MAP4K5: variants seen among roughly 807,000 people sequenced by gnomAD.
MAP4K5 encodes the protein mitogen-activated protein kinase kinase kinase kinase 5.
Under a neutral mutation model 135.6 loss-of-function variants are expected in MAP4K5, and 82 were observed. The observed-to-expected ratio is 0.60, with a 90% CI of 0.51 to 0.73. The LOEUF (loss-of-function observed/expected upper bound fraction) is 0.73, where lower values mean the gene tolerates loss of function less well. Ranked by LOEUF, MAP4K5 falls within the 30% of genes least tolerant of loss-of-function variation. MAP4K5 has a pLI of 0.00. For synonymous variants in MAP4K5, 347 were observed against 335.0 expected, an observed-to-expected ratio of 1.04 and a Z score of -0.39; for missense variants, 907 against 1,010.9, an observed-to-expected ratio of 0.90 and a Z score of 1.39.
At chr14:50,464,011 T>G (rs1566657785) in intron 12 of MAP4K5, 41 bp downstream of exon 12, 1 of 1,121,006 alleles carries the variant, frequency 8.9e-7, no homozygotes, top group East Asian at 2.6e-5. Context: ...TATGTCTAAT[T>G]TATGACTATA....
intron 13 of MAP4K5, among the ~76,000 whole-genome samples, chr14:50,462,135 C>T (rs117974229): frequency 0.013 from 2,031 of 152,194 alleles, 16 homozygotes; most frequent in Middle Eastern, 0.041. Context: ...AGCTGGATTT[C>T]GAAGAAGTCC....
chr14:50,496,073 C>A (rs2037584571), intron 3 of MAP4K5, among the ~76,000 whole-genome samples: 1 of 152,096 alleles, frequency 6.6e-6, no homozygotes, highest in Non-Finnish European at 1.5e-5. Flanking sequence ...ATCTGTAATC[C>A]CAGCACTTTT....
At position 50,532,161 on chromosome 14, in the gene MAP4K5, G is replaced by T; in HGVS notation, c.-109-3C>A. The T allele has an allele frequency of 1.5e-6, 1 of 682,082 alleles. No individual in the cohort carries two copies. Among genetic ancestry groups the T allele is most frequent in the Non-Finnish European group, 2.5e-6 (1 of 405,576 alleles). The allele number at this position is 682,082 out of a possible 1,614,324, so 42.3% of individuals were successfully genotyped here. A position where few individuals can be genotyped will look rare whatever the true frequency, so the allele number is the denominator to read the frequency against. ...GGAGCCTCCGCCCGCAGCTCCGTCT[G>T]CACGAGGGACGAGCAAAGGCTGGTT... On this transcript the variant is annotated splice_region_variant and splice_polypyrimidine_tract_variant and intron_variant, in intron 1 of 32. Transcript: ENST00000682126.
intron 3 of MAP4K5, among the ~76,000 whole-genome samples, chr14:50,494,816 A>G (rs1270805189): frequency 6.6e-6 from 1 of 152,222 alleles, no homozygotes; most frequent in African/African-American, 2.4e-5. Flanking sequence ...CAAGGGTATC[A>G]GAACTACTTG....
chr14:50,521,809 G>T (rs973378496), intron 2 of MAP4K5, among the ~76,000 whole-genome samples: 7 of 152,106 alleles, frequency 4.6e-5, no homozygotes, highest in Non-Finnish European at 1.0e-4. Flanking sequence ...AATTCATCTT[G>T]TCCTTCTCAG....
chr14:50,432,831 A>G (rs1054722464), intron 28 of MAP4K5, among the ~76,000 whole-genome samples: 5 of 151,960 alleles, frequency 3.3e-5, no homozygotes, highest in African/African-American at 1.2e-4. Context: ...GAACAGGGAA[A>G]TATTTCTTTC....
rs981657008 is a variant in MAP4K5, at chr14:50,510,174, C to T, written c.109-5317G>A. On this transcript the variant is annotated intron_variant, in intron 2 of 32. Transcript: ENST00000682126. The stretch of plus-strand genomic sequence containing the variant: ...CAAAAGAAAATGACTCCATTCTTCT[C>T]GGTTACCAATTATTAAACAAGAGTC... Among the ~76,000 whole-genome samples the T allele has an allele frequency of 2.6e-5, 4 of 152,100 alleles. No individual in the cohort carries two copies. In the East Asian group the frequency reaches 5.8e-4, roughly 22 times the overall value.
intron 20 of MAP4K5, among the ~76,000 whole-genome samples, chr14:50,443,237 T>G (rs920096325): frequency 6.6e-6 from 1 of 152,172 alleles, no homozygotes; most frequent in African/African-American, 2.4e-5. Context: ...CATTAGACTT[T>G]CACTGAATAA....
intron 26 of MAP4K5, 31 bp from the exon 27 acceptor site, chr14:50,435,096 GAC>G: frequency 8.3e-7 from 1 of 1,198,760 alleles, no homozygotes; most frequent in Non-Finnish European, 1.2e-6. Context: ...AAAAAACCCA[GAC>G]ACACTCAAAA....
chr14:50,510,316 C>T lies in MAP4K5; in HGVS notation c.109-5459G>A, dbSNP rs77053992. On this transcript the variant is annotated intron_variant, in intron 2 of 32. Transcript: ENST00000682126. ...CTCTGATCTGAAAACTGTCCTCATT[C>T]TGGTACGTTCTCCTTTCCCCGCCTC... Among the ~76,000 whole-genome samples the T allele has an allele frequency of 8.0e-3, 1,214 of 152,296 alleles. 9 individuals are homozygous for T. Among genetic ancestry groups the T allele is most frequent in the African/African-American group, 0.027 (1,133 of 41,564 alleles).
intron 9 of MAP4K5, among the ~76,000 whole-genome samples, chr14:50,474,546 A>G (rs977191056): frequency 6.7e-6 from 1 of 150,138 alleles, no homozygotes; most frequent in African/African-American, 2.4e-5. Flanking sequence ...TTTTGTCAGT[A>G]ATCAGTGGAA....
At chr14:50,460,310 T>C (rs2036683476) in intron 13 of MAP4K5, among the ~76,000 whole-genome samples, 1 of 151,530 alleles carries the variant, frequency 6.6e-6, no homozygotes, top group African/African-American at 2.5e-5. Flanking sequence ...TAGTCTCATA[T>C]ACCATTGTGC....
intron 14 of MAP4K5, chr14:50,456,268 T>C (rs1387764026): frequency 2.2e-6 from 1 of 462,800 alleles, no homozygotes; most frequent in African/African-American, 2.0e-5. Context: ...GTTAATTTTC[T>C]CTTTTTTTTC....
intron 9 of MAP4K5, among the ~76,000 whole-genome samples, chr14:50,474,217 C>T (rs2037043244): frequency 6.6e-6 from 1 of 151,834 alleles, no homozygotes; most frequent in African/African-American, 2.4e-5. Flanking sequence ...GAAACCCTGT[C>T]TCTACAAAAA....
At chr14:50,544,490 G>A (rs1033752154) in intron 1 of MAP4K5, among the ~76,000 whole-genome samples, 1 of 152,204 alleles carries the variant, frequency 6.6e-6, no homozygotes, top group South Asian at 2.1e-4. Flanking sequence ...GGAAAAGTCT[G>A]CTGGAGTGCT....
chr14:50,538,789 C>T (rs750067846), intron 2 of MAP4K5, among the ~76,000 whole-genome samples: 5 of 152,136 alleles, frequency 3.3e-5, no homozygotes, highest in East Asian at 1.9e-4. Flanking sequence ...ATTGGTGATT[C>T]GCTTAACCCT....
chr14:50,523,598 G>C (rs2038196219), intron 2 of MAP4K5, among the ~76,000 whole-genome samples: 1 of 152,074 alleles, frequency 6.6e-6, no homozygotes, highest in African/African-American at 2.4e-5. Flanking sequence ...TCCCCAACCT[G>C]CCTTCTTCAC....
intron 13 of MAP4K5, among the ~76,000 whole-genome samples, chr14:50,456,912 C>A (rs1214751771): frequency 6.6e-6 from 1 of 152,158 alleles, no homozygotes; most frequent in Non-Finnish European, 1.5e-5. Context: ...AAATGGACTA[C>A]TATTAAAGCC....
chr14:50,518,445 C>T (rs2038079082), intron 2 of MAP4K5, among the ~76,000 whole-genome samples: 1 of 152,144 alleles, frequency 6.6e-6, no homozygotes, highest in Non-Finnish European at 1.5e-5. Flanking sequence ...TCCCTGTGTC[C>T]CTGTGTTCTC....
Sources: gnomAD v4.1 joint callset for allele counts (sites outside exome capture counted in the v4.1 genomes callset) on GRCh38, gnomAD v4.1.1 for gene constraint, MANE v1.5 for transcripts, NCBI Gene and HGNC (gene_info 2026-07-23, HGNC 2026-07-21) for gene names.